The following PCSK5 variants were observed in gnomAD, a reference collection of about 807,000 sequenced individuals.
The protein encoded by PCSK5 is proprotein convertase subtilisin/kexin type 5.
A neutral mutation model predicts 233.2 loss-of-function variants in PCSK5; 129 were observed. The observed-to-expected ratio is 0.55, with a 90% CI of 0.48 to 0.64. The LOEUF is 0.64. Among genes scored for constraint, PCSK5 ranks in the 30% least tolerant of loss-of-function variants. PCSK5 has a pLI of 0.00. For synonymous variants in PCSK5, 825 were observed against 879.2 expected (o/e 0.94, Z 1.09); for missense variants, 2,076 against 2,430.1 (o/e 0.85, Z 3.06).
At position 76,131,230 on chromosome 9, in the gene PCSK5, G is replaced by A. The variant is rs367969580; in HGVS notation, c.1209-2879G>A. ...ATGAAAAGTAAGATGTGAATCAGAC[G>A]TATCCATAAACAAGAGTCGTCTCTG... is the stretch of plus-strand genomic sequence containing the variant. On this transcript the variant is annotated intron_variant, in intron 9 of 37. Coordinates refer to ENST00000674117, the MANE Select transcript of PCSK5 (RefSeq NM_001372043.1). Among the ~76,000 whole-genome samples the A allele has an allele frequency of 2.6e-5, 4 of 152,190 alleles. No individual in the cohort carries two copies. The South Asian group carries it at 6.2e-4, about 24-fold the overall frequency.
chr9:76,046,160 GTTTTTTTTTTTTTTTTTTTTTTTT>G (rs71372041), intron 5 of PCSK5, among the ~76,000 whole-genome samples: 1 of 58,024 alleles, frequency 1.7e-5, no homozygotes, highest in Non-Finnish European at 3.1e-5. Context: ...TTTTTCTTTT[GTTTTTTTTTTTTTTTTTTTTTTTT>G]TTTTTTTTTT....
In PCSK5 at chr9:76,308,718, A is replaced by G. The variant is rs566063664; in HGVS notation, c.3678A>G (p.Ser1226=). The change falls in exon 29 of 38, where the codon TCA becomes TCG. Residue 1226 remains serine, a synonymous_variant. Transcript: ENST00000674117. ...TCNGSATLCT[S]CPKGAYLLAQ... is the part of the protein sequence containing the mutation. ...ATGGATCTGCAACTCTGTGCACTTC[A>G]TGTCCCAAAGGTTAGTGTGTTGCGT... 8.7e-6 allele frequency: 14 copies of G among 1,606,414 alleles called. No individual in the cohort carries two copies. Among genetic ancestry groups the G allele is most frequent in the Non-Finnish European group, 1.2e-5 (14 of 1,174,272 alleles).
At chr9:76,096,917 T>G (rs1831539620) in intron 8 of PCSK5, among the ~76,000 whole-genome samples, 1 of 151,490 alleles carries the variant, frequency 6.6e-6, no homozygotes, top group Admixed American at 6.6e-5. Flanking sequence ...GTGCATTTCT[T>G]TATTTTTATT....
At chr9:75,970,115 C>T (rs774810928) in intron 2 of PCSK5, among the ~76,000 whole-genome samples, 69 of 152,054 alleles carry the variant, frequency 4.5e-4, no homozygotes, top group Non-Finnish European at 7.9e-4. Flanking sequence ...TCAGTTGATC[C>T]GCCCACCTTG....
rs147944901 is a variant in PCSK5 at position 75,925,781 on chromosome 9, T to G, written c.193-6598T>G. On this transcript the variant is annotated intron_variant, in intron 1 of 37. Coordinates refer to ENST00000674117, the MANE Select transcript of PCSK5 (RefSeq NM_001372043.1). ...GGCCTCCTCCTTATGGATTCTCCTT[T>G]GAATGTTATGGAGTTTAGAACACAG... is the stretch of plus-strand genomic sequence containing the variant. 3.1e-3 allele frequency among the ~76,000 whole-genome samples: 476 copies of G among 152,336 alleles called. 3 individuals carry two copies. Among genetic ancestry groups the G allele is most frequent in the African/African-American group, 0.011 (458 of 41,576 alleles).
intron 36 of PCSK5, among the ~76,000 whole-genome samples, chr9:76,352,338 C>T (rs1830188084): frequency 6.6e-6 from 1 of 152,142 alleles, no homozygotes; most frequent in Non-Finnish European, 1.5e-5. Flanking sequence ...TTTTGGCTGG[C>T]TCTTTACTGC....
chr9:76,314,196 A>AT (rs1828952940), intron 30 of PCSK5, among the ~76,000 whole-genome samples: 1 of 152,176 alleles, frequency 6.6e-6, no homozygotes, highest in Non-Finnish European at 1.5e-5. Flanking sequence ...GGGTTGAACC[A>AT]TTTTCATGGA....
chr9:75,981,921 C>A (rs1316385799), intron 2 of PCSK5, among the ~76,000 whole-genome samples: 1 of 152,034 alleles, frequency 6.6e-6, no homozygotes, highest in Non-Finnish European at 1.5e-5. Context: ...TAACATATTC[C>A]CATGGATCAA....
chr9:76,047,328 C>A (rs182777000), intron 5 of PCSK5, among the ~76,000 whole-genome samples: 2 of 152,226 alleles, frequency 1.3e-5, no homozygotes, highest in Admixed American at 1.3e-4. Context: ...GATCTGCTGA[C>A]GTTGTGATCC....
At chr9:76,095,155 T>C (rs1469195715) in intron 7 of PCSK5, among the ~76,000 whole-genome samples, 1 of 152,236 alleles carries the variant, frequency 6.6e-6, no homozygotes, top group East Asian at 1.9e-4. Flanking sequence ...ATATGTGATC[T>C]TGAAACCCTT....
intron 2 of PCSK5, among the ~76,000 whole-genome samples, chr9:75,965,100 C>G (rs910965623): frequency 6.6e-6 from 1 of 152,180 alleles, no homozygotes; most frequent in Admixed American, 6.5e-5. Context: ...TCTCTTAGAT[C>G]CTGCCCCAAA....
intron 20 of PCSK5, chr9:76,209,478 T>C (rs766581001): frequency 2.0e-6 from 1 of 510,098 alleles, no homozygotes; most frequent in South Asian, 1.4e-5. Context: ...TACTACTGTA[T>C]CTCAGATGCC....
At chr9:76,088,852 G>A (rs1831168239) in intron 7 of PCSK5, among the ~76,000 whole-genome samples, 1 of 151,816 alleles carries the variant, frequency 6.6e-6, no homozygotes, top group African/African-American at 2.4e-5. Context: ...CAGAATTCTG[G>A]AACAAACGTT....
chr9:76,230,203 C>T (rs1160119242), intron 21 of PCSK5, among the ~76,000 whole-genome samples: 1 of 152,134 alleles, frequency 6.6e-6, no homozygotes, highest in Non-Finnish European at 1.5e-5. Flanking sequence ...GGTGACATAA[C>T]TCAGTGCCTT....
At chr9:76,251,579 AAGAC>A (rs1490144144) in intron 24 of PCSK5, among the ~76,000 whole-genome samples, 1,867 of 151,278 alleles carry the variant, frequency 0.012, 57 homozygotes, top group African/African-American at 0.043. Context: ...AAAAAAAAAA[AAGAC>A]AGAAAGAAAA....
intron 20 of PCSK5, among the ~76,000 whole-genome samples, chr9:76,192,056 C>T (rs993524472): frequency 1.1e-5 from 1 of 94,704 alleles, no homozygotes; most frequent in Admixed American, 1.6e-4. Flanking sequence ...GGCAACAGAG[C>T]AAGACTGTCT....
intron 30 of PCSK5, among the ~76,000 whole-genome samples, chr9:76,320,800 A>G (rs1587324209): frequency 2.7e-5 from 4 of 146,126 alleles, no homozygotes; most frequent in Non-Finnish European, 6.0e-5. Context: ...AATCTTAGTA[A>G]CTATCTGGTT....
rs1209940105 is a variant in PCSK5, at chr9:76,362,447, T to G, written c.*3525T>G. The G allele has an allele frequency of 6.6e-6, 1 of 152,218 alleles. No individual in the cohort carries two copies. Among genetic ancestry groups the G allele is most frequent in the Non-Finnish European group, 1.5e-5 (1 of 68,042 alleles). 9.4% of individuals were successfully genotyped at this position (152,218 alleles called of 1,614,324 possible). ...ACACAACAAGAGTGCTATTTTTTCT[T>G]CTTTTTATCTTCCTACACTCAAAGA... is the stretch of plus-strand genomic sequence containing the variant. On this transcript the variant is annotated 3_prime_UTR_variant, in exon 38 of 38. Transcript: ENST00000674117.
chr9:76,013,361 G>A (rs1213481545), intron 3 of PCSK5, among the ~76,000 whole-genome samples: 1 of 152,088 alleles, frequency 6.6e-6, no homozygotes, highest in African/African-American at 2.4e-5. Flanking sequence ...ATCCCTCTGT[G>A]TCCTCTTCTT....
Sources: allele counts gnomAD v4.1 joint callset (sites outside exome capture counted in the v4.1 genomes callset), GRCh38; gene constraint gnomAD v4.1.1; transcripts MANE v1.5; gene names NCBI Gene and HGNC (gene_info 2026-07-23, HGNC 2026-07-21).